SOX5: variants seen among roughly 807,000 people sequenced by gnomAD.
The protein encoded by SOX5 is transcription factor SOX-5.
Under a neutral mutation model 92.0 loss-of-function variants are expected in SOX5, and 9 were observed. That is an observed-to-expected ratio of 0.10 (90% confidence interval 0.06 to 0.17). The LOEUF (loss-of-function observed/expected upper bound fraction) is 0.17, where lower values mean the gene tolerates loss of function less well. Ranked by LOEUF, SOX5 falls within the 10% of genes least tolerant of loss-of-function variation. The probability of loss-of-function intolerance (pLI) is 1.00; values close to 1 mark genes in which losing one functional copy is unlikely to be tolerated. For synonymous variants in SOX5, 344 were observed against 336.3 expected, an observed-to-expected ratio of 1.02 and a Z score of -0.25; for missense variants, 642 against 944.5, an observed-to-expected ratio of 0.68 and a Z score of 4.20.
At chr12:23,730,401 G>C (rs950649697) in intron 6 of SOX5, among the ~76,000 whole-genome samples, 6 of 152,068 alleles carry the variant, frequency 3.9e-5, no homozygotes, top group Non-Finnish European at 5.9e-5. Flanking sequence ...AGAAAAATAA[G>C]ACAAACTTCT....
chr12:24,404,788 C>A (rs1014798741), intron 1 of SOX5, among the ~76,000 whole-genome samples: 1 of 152,118 alleles, frequency 6.6e-6, no homozygotes, highest in Admixed American at 6.5e-5. Context: ...CCCTTCCCCC[C>A]AAATTCATAT....
intron 2 of SOX5, among the ~76,000 whole-genome samples, chr12:23,885,241 G>A (rs1418898317): frequency 6.6e-6 from 1 of 152,130 alleles, no homozygotes; most frequent in Non-Finnish European, 1.5e-5. Context: ...TAAAATTAAT[G>A]TAACTTATTT....
At chr12:23,898,835 A>G (rs2097203108) in intron 1 of SOX5, among the ~76,000 whole-genome samples, 1 of 152,216 alleles carries the variant, frequency 6.6e-6, no homozygotes. Context: ...CCTTGAAAGT[A>G]TTTATAATTC....
chr12:24,065,211 C>A (rs1397077712), intron 4 of SOX5, among the ~76,000 whole-genome samples: 1 of 152,128 alleles, frequency 6.6e-6, no homozygotes, highest in East Asian at 1.9e-4. Context: ...TATCTCCCAT[C>A]CCTTGTCCTC....
chr12:24,379,026 A>G (rs1213993947), intron 1 of SOX5, among the ~76,000 whole-genome samples: 1 of 152,198 alleles, frequency 6.6e-6, no homozygotes, highest in Non-Finnish European at 1.5e-5. Flanking sequence ...TCCTACAGCA[A>G]AAGCACACAG....
intron 1 of SOX5, among the ~76,000 whole-genome samples, chr12:24,555,794 G>C (rs1001875397): frequency 2.0e-5 from 3 of 152,176 alleles, no homozygotes; most frequent in Admixed American, 6.5e-5. Flanking sequence ...CAAAGCAAGT[G>C]TCCAAAGCAA....
At chr12:24,191,893 G>A (rs1220648909) in intron 4 of SOX5, among the ~76,000 whole-genome samples, 1 of 152,146 alleles carries the variant, frequency 6.6e-6, no homozygotes, top group Non-Finnish European at 1.5e-5. Context: ...GAAGATCAAA[G>A]CTCTATCATA....
At chr12:23,987,263 G>A (rs1950142726) in intron 4 of SOX5, among the ~76,000 whole-genome samples, 1 of 152,188 alleles carries the variant, frequency 6.6e-6, no homozygotes, top group East Asian at 1.9e-4. Flanking sequence ...TCTAGATTGT[G>A]CGGTCAGAGA....
chr12:23,913,072 C>T (rs183306849), intron 1 of SOX5, among the ~76,000 whole-genome samples: 1 of 152,246 alleles, frequency 6.6e-6, no homozygotes, highest in Non-Finnish European at 1.5e-5. Context: ...TAGAAACTAG[C>T]TCAGAGATAT....
At chr12:24,122,481 A>C (rs914162822) in intron 4 of SOX5, among the ~76,000 whole-genome samples, 12 of 152,224 alleles carry the variant, frequency 7.9e-5, no homozygotes, top group Non-Finnish European at 1.5e-5. Flanking sequence ...AACTGCCATC[A>C]CAGATTAAAA....
At chr12:24,345,518 C>T (rs1223949570) in intron 2 of SOX5, among the ~76,000 whole-genome samples, 2 of 152,126 alleles carry the variant, frequency 1.3e-5, no homozygotes, top group East Asian at 1.9e-4. Context: ...TTTAAAAGCT[C>T]GTTGAGAACA....
chr12:23,806,757 A>C (rs1415322940), intron 3 of SOX5, among the ~76,000 whole-genome samples: 1 of 152,098 alleles, frequency 6.6e-6, no homozygotes, highest in Non-Finnish European at 1.5e-5. Flanking sequence ...CCCAGTAAGA[A>C]TAGAATACAA....
intron 1 of SOX5, among the ~76,000 whole-genome samples, chr12:24,471,123 G>C (rs947528053): frequency 6.6e-6 from 1 of 152,122 alleles, no homozygotes; most frequent in African/African-American, 2.4e-5. Context: ...GGTTAAGATA[G>C]TTGCTATTTT....
chr12:24,257,327 T>C (rs1332167098), intron 3 of SOX5, among the ~76,000 whole-genome samples: 1 of 152,244 alleles, frequency 6.6e-6, no homozygotes, highest in Non-Finnish European at 1.5e-5. Context: ...ATTCATTATA[T>C]ACATTTGCAT....
chr12:24,044,633 T>C (rs1388916650), intron 4 of SOX5, among the ~76,000 whole-genome samples: 2 of 152,334 alleles, frequency 1.3e-5, no homozygotes, highest in East Asian at 3.9e-4. Context: ...AGTTAAAAAA[T>C]TCCTGGCTAT....
chr12:24,025,486 A>G (rs906250512), intron 4 of SOX5, among the ~76,000 whole-genome samples: 1 of 152,074 alleles, frequency 6.6e-6, no homozygotes, highest in Non-Finnish European at 1.5e-5. Context: ...GAAATTTGCT[A>G]GCAGTTTTCC....
At chr12:24,035,580 A>G (rs903422973) in intron 4 of SOX5, among the ~76,000 whole-genome samples, 1 of 152,104 alleles carries the variant, frequency 6.6e-6, no homozygotes, top group Non-Finnish European at 1.5e-5. Flanking sequence ...GAAATGATAT[A>G]ACATCCAGGA....
chr12:24,289,769 T>C (rs181781047), intron 2 of SOX5, among the ~76,000 whole-genome samples: 1 of 152,296 alleles, frequency 6.6e-6, no homozygotes, highest in Non-Finnish European at 1.5e-5. Flanking sequence ...ATTTGTATCT[T>C]GAAAGCCTTA....
intron 8 of SOX5, among the ~76,000 whole-genome samples, chr12:23,608,108 G>GAAAAAAAAAAAAA (rs1566278538): frequency 1.9e-3 from 11 of 5,664 alleles, no homozygotes; most frequent in African/African-American, 2.8e-3. Flanking sequence ...TGTCTCAAAA[G>GAAAAAAAAAAAAA]AAAAAAGAAA....
Sources: gnomAD v4.1 joint callset for allele counts (sites outside exome capture counted in the v4.1 genomes callset) on GRCh38, gnomAD v4.1.1 for gene constraint, MANE v1.5 for transcripts, NCBI Gene and HGNC (gene_info 2026-07-23, HGNC 2026-07-21) for gene names.